The following RSPO2 variants were observed in gnomAD, a reference collection of about 807,000 sequenced individuals.
RSPO2 encodes the protein R-spondin 2.
RSPO2 carries 14 observed loss-of-function variants against 30.9 expected under a neutral mutation model. The observed-to-expected ratio is 0.45, with a 90% CI of 0.30 to 0.71. RSPO2 has a LOEUF of 0.71. Among genes scored for constraint, RSPO2 ranks in the 30% least tolerant of loss-of-function variants. The pLI is 0.08. For missense variants in RSPO2, 264 were observed against 301.9 expected (o/e 0.87, Z 0.93); for synonymous variants, 107 against 96.4 (o/e 1.11, Z -0.64).
At chr8:107,989,779 A>G (rs1218348157) in intron 2 of RSPO2, among the ~76,000 whole-genome samples, 3 of 152,240 alleles carry the variant, frequency 2.0e-5, no homozygotes, top group Non-Finnish European at 4.4e-5. Flanking sequence ...CATGGGGGCT[A>G]TATGATGTTG....
Position 107,900,278 on chromosome 8 carries a change from A to ACTC in RSPO2, c.*794_*796dup, listed in dbSNP as rs1811403944. ...CAAACTCTTTGACACTGGTCATTTG[A>ACTC]CTCTATATACAAAAACTAGTTTATC... On this transcript the variant is annotated 3_prime_UTR_variant, in exon 6 of 6. Transcript: ENST00000276659. 2 of 151,942 alleles carry ACTC rather than the reference A, an allele frequency of 1.3e-5. No individual in the cohort carries two copies. The highest frequency in any genetic ancestry group is 4.1e-4 in the South Asian group (2 of 4,828). The allele number at this position is 151,942 out of a possible 1,614,324, so 9.4% of individuals were successfully genotyped here.
chr8:108,074,581 T>C (rs1228871582), intron 2 of RSPO2, among the ~76,000 whole-genome samples: 1 of 152,238 alleles, frequency 6.6e-6, no homozygotes, highest in Non-Finnish European at 1.5e-5. Context: ...AGCCTTCAGT[T>C]ATTTAATATT....
chr8:108,043,932 T>A (rs780618208), intron 2 of RSPO2, among the ~76,000 whole-genome samples: 14 of 151,826 alleles, frequency 9.2e-5, no homozygotes, highest in Non-Finnish European at 2.1e-4. Context: ...TTTTCTACTT[T>A]TAAAAAAAAA....
At chr8:108,053,646 T>A (rs1812143302) in intron 2 of RSPO2, among the ~76,000 whole-genome samples, 1 of 152,190 alleles carries the variant, frequency 6.6e-6, no homozygotes, top group Non-Finnish European at 1.5e-5. Flanking sequence ...AATTTAATAT[T>A]TTCTAGTTAT....
chr8:108,016,488 G>A (rs150748067), intron 2 of RSPO2, among the ~76,000 whole-genome samples: 187 of 152,264 alleles, frequency 1.2e-3, no homozygotes, highest in African/African-American at 4.3e-3. Flanking sequence ...ACTAGGAAGG[G>A]ATTTAGCAAA....
intron 2 of RSPO2, among the ~76,000 whole-genome samples, chr8:108,001,399 A>G (rs1815243815): frequency 6.6e-6 from 1 of 152,230 alleles, no homozygotes; most frequent in African/African-American, 2.4e-5. Context: ...CAAGCCCTAT[A>G]AGAATTACTC....
intron 2 of RSPO2, among the ~76,000 whole-genome samples, chr8:107,996,502 T>C (rs1005879600): frequency 5.3e-5 from 8 of 152,124 alleles, no homozygotes; most frequent in Non-Finnish European, 1.2e-4. Context: ...CCCAAGGAAA[T>C]ATCCAACCCA....
At chr8:107,960,202 C>T (rs1180621625) in intron 4 of RSPO2, among the ~76,000 whole-genome samples, 2 of 151,614 alleles carry the variant, frequency 1.3e-5, no homozygotes, top group Admixed American at 6.6e-5. Context: ...TGTTTTAATG[C>T]ATTTGTAACA....
At chr8:108,035,095 T>C (rs1811548145) in intron 2 of RSPO2, among the ~76,000 whole-genome samples, 1 of 152,154 alleles carries the variant, frequency 6.6e-6, no homozygotes, top group African/African-American at 2.4e-5. Flanking sequence ...AACAGAGAGA[T>C]TGAATCCTTT....
At chr8:108,023,485 C>T (rs768969603) in intron 2 of RSPO2, among the ~76,000 whole-genome samples, 12 of 152,030 alleles carry the variant, frequency 7.9e-5, no homozygotes, top group Admixed American at 6.6e-5. Context: ...TAAAATGATA[C>T]GCTTTGATTT....
chr8:107,962,070 G>A (rs771866927), intron 3 of RSPO2, among the ~76,000 whole-genome samples: 6 of 152,106 alleles, frequency 3.9e-5, no homozygotes, highest in Non-Finnish European at 7.4e-5. Context: ...TTTAACCGAC[G>A]CAATTGACAG....
intron 2 of RSPO2, among the ~76,000 whole-genome samples, chr8:108,000,194 ACATTCT>A (rs1368444634): frequency 6.6e-6 from 1 of 152,184 alleles, no homozygotes; most frequent in African/African-American, 2.4e-5. Flanking sequence ...CATGATAAAC[ACATTCT>A]CATTCTAACA....
chr8:107,911,840 T>C (rs1372761608), intron 5 of RSPO2, among the ~76,000 whole-genome samples: 1 of 152,160 alleles, frequency 6.6e-6, no homozygotes, highest in East Asian at 1.9e-4. Flanking sequence ...AAAATGCCTT[T>C]GATCTCGTAA....
At chr8:107,958,651 A>C (rs148127970) in intron 4 of RSPO2, among the ~76,000 whole-genome samples, 1,706 of 152,236 alleles carry the variant, frequency 0.011, 39 homozygotes, top group African/African-American at 0.038. Flanking sequence ...CCCAGGTATT[A>C]AGCCCAGCAT....
At chr8:108,042,533 T>A (rs917334855) in intron 2 of RSPO2, among the ~76,000 whole-genome samples, 2 of 152,060 alleles carry the variant, frequency 1.3e-5, no homozygotes, top group African/African-American at 4.8e-5. Context: ...CCGTGCTCAT[T>A]AACTGCCAAG....
At position 107,997,454 on chromosome 8, in the gene RSPO2, A is replaced by G. The variant is rs556385721; in HGVS notation, c.95-8210T>C. 2.6e-5 allele frequency among the ~76,000 whole-genome samples: 4 copies of G among 152,314 alleles called. No individual in the cohort carries two copies. The East Asian group carries it at 7.7e-4, about 29-fold the overall frequency. ...AAAGCCCGCTGAGATCCAGAGCCTT[A>G]TCATTCCAACCAAAACAGTTTTCTA... On this transcript the variant is annotated intron_variant, in intron 2 of 5. Coordinates refer to ENST00000276659, the MANE Select transcript of RSPO2 (RefSeq NM_178565.5).
intron 2 of RSPO2, among the ~76,000 whole-genome samples, chr8:108,058,578 C>A (rs1326707831): frequency 1.3e-5 from 2 of 151,802 alleles, no homozygotes; most frequent in East Asian, 1.9e-4. Context: ...GGAGGCATCA[C>A]ACTACCTGAC....
At chr8:107,932,189 G>C (rs771400067) in intron 5 of RSPO2, among the ~76,000 whole-genome samples, 1 of 152,148 alleles carries the variant, frequency 6.6e-6, no homozygotes, top group Non-Finnish European at 1.5e-5. Context: ...GACCACTGAA[G>C]TAGTCAAGGT....
chr8:107,942,212 A>C (rs1403142735), intron 5 of RSPO2, among the ~76,000 whole-genome samples: 1 of 152,196 alleles, frequency 6.6e-6, no homozygotes, highest in African/African-American at 2.4e-5. Flanking sequence ...CCCCAGGACA[A>C]ATTTGATTTA....
Sources: gnomAD v4.1 joint callset for allele counts (sites outside exome capture counted in the v4.1 genomes callset) on GRCh38, gnomAD v4.1.1 for gene constraint, MANE v1.5 for transcripts, NCBI Gene and HGNC (gene_info 2026-07-23, HGNC 2026-07-21) for gene names.